NALF1: variants seen among roughly 807,000 people sequenced by gnomAD.
NALF1 encodes the protein family with sequence similarity 155 member A.
NALF1 carries 3 observed loss-of-function variants against 48.4 expected under a neutral mutation model. That is an observed-to-expected ratio of 0.06 (90% confidence interval 0.03 to 0.16). The LOEUF (loss-of-function observed/expected upper bound fraction) is 0.16, where lower values mean the gene tolerates loss of function less well. Ranked by LOEUF, NALF1 falls within the 10% of genes least tolerant of loss-of-function variation. The pLI is 1.00. For synonymous variants in NALF1, 262 were observed against 245.7 expected, an observed-to-expected ratio of 1.07 and a Z score of -0.62; for missense variants, 526 against 571.5, an observed-to-expected ratio of 0.92 and a Z score of 0.81.
At chr13:107,214,011 C>T (rs758554365) in intron 1 of NALF1, among the ~76,000 whole-genome samples, 8 of 152,138 alleles carry the variant, frequency 5.3e-5, no homozygotes, top group Admixed American at 1.3e-4. Flanking sequence ...GATATAAAGA[C>T]GAGCTTTCCT....
chr13:107,818,838 C>G (rs565722497), intron 1 of NALF1, among the ~76,000 whole-genome samples: 3 of 122,874 alleles, frequency 2.4e-5, no homozygotes, highest in East Asian at 3.0e-4. Flanking sequence ...CGCCACTGCA[C>G]TCCAGCCTGG....
At chr13:107,572,277 T>G (rs1878009771) in intron 1 of NALF1, among the ~76,000 whole-genome samples, 1 of 152,106 alleles carries the variant, frequency 6.6e-6, no homozygotes, top group Non-Finnish European at 1.5e-5. Flanking sequence ...TTCAACGACC[T>G]TCTGGTAATG....
intron 1 of NALF1, among the ~76,000 whole-genome samples, chr13:107,469,244 T>C (rs1040857984): frequency 2.6e-5 from 4 of 152,240 alleles, no homozygotes; most frequent in African/African-American, 9.6e-5. Flanking sequence ...GCATATAAAT[T>C]CTTTAAATAT....
chr13:107,403,089 T>C (rs922473832), intron 1 of NALF1, among the ~76,000 whole-genome samples: 7 of 151,348 alleles, frequency 4.6e-5, no homozygotes, highest in Non-Finnish European at 1.0e-4. Flanking sequence ...ATTTAGCCTC[T>C]GACTTGATGG....
intron 1 of NALF1, among the ~76,000 whole-genome samples, chr13:107,625,596 A>G (rs1879648342): frequency 6.6e-6 from 1 of 152,126 alleles, no homozygotes; most frequent in Non-Finnish European, 1.5e-5. Flanking sequence ...TGCTTGAAAA[A>G]TAAGTTATAA....
chr13:107,565,824 C>A (rs1325071404), intron 1 of NALF1, among the ~76,000 whole-genome samples: 1 of 152,036 alleles, frequency 6.6e-6, no homozygotes, highest in Non-Finnish European at 1.5e-5. Flanking sequence ...ATACTTTGTC[C>A]AGGCCAATTT....
intron 1 of NALF1, among the ~76,000 whole-genome samples, chr13:107,386,088 A>AT (rs112499682): frequency 0.042 from 6,321 of 152,256 alleles, 253 homozygotes; most frequent in African/African-American, 0.1. Flanking sequence ...ATGTCTTAAA[A>AT]TTTTATTGAA....
At chr13:107,286,809 T>C (rs746017085) in intron 1 of NALF1, among the ~76,000 whole-genome samples, 6 of 152,248 alleles carry the variant, frequency 3.9e-5, no homozygotes, top group South Asian at 2.1e-4. Context: ...AAATATCCCA[T>C]GTTAAATTAG....
At chr13:107,214,661 T>C (rs2138808894) in intron 1 of NALF1, among the ~76,000 whole-genome samples, 1 of 152,280 alleles carries the variant, frequency 6.6e-6, no homozygotes, top group South Asian at 2.1e-4. Context: ...TCCTCCACTG[T>C]GTCCTCTGGA....
Position 107,514,434 on chromosome 13 carries a change from T to TATC in NALF1, c.916-303682_916-303680dup, listed in dbSNP as rs1364049143. On this transcript the variant is annotated intron_variant, in intron 1 of 2. Transcript: ENST00000375915. Reference sequence around the variant, plus strand: ...GAAGCTTCTCCTATATCTATCTATCTATCTATCTATCTATCTATCTATCTA... The same window carrying TATC: ...GAAGCTTCTCCTATATCTATCTATCTATCATCTATCTATCTATCTATCTATCTA... Among the ~76,000 whole-genome samples, 21 of 139,262 alleles carry TATC rather than the reference T, an allele frequency of 1.5e-4. 1 individual carries two copies. The highest frequency in any genetic ancestry group is 1.5e-3 in the Admixed American group (21 of 14,384). The allele number at this position is 139,262 out of a possible 152,430, so 91.4% of individuals were successfully genotyped here. A position where few individuals can be genotyped will look rare whatever the true frequency, so the allele number is the denominator to read the frequency against.
At chr13:107,306,784 T>C (rs985074009) in intron 1 of NALF1, among the ~76,000 whole-genome samples, 2 of 152,106 alleles carry the variant, frequency 1.3e-5, no homozygotes, top group African/African-American at 2.4e-5. Context: ...GGCAACGTGG[T>C]GTGACCCTGT....
chr13:107,349,240 G>A (rs533438085), intron 1 of NALF1, among the ~76,000 whole-genome samples: 1 of 152,054 alleles, frequency 6.6e-6, no homozygotes, highest in Non-Finnish European at 1.5e-5. Context: ...TTCCCCACCT[G>A]GTGTCCTTTG....
chr13:107,779,774 CCTT>C (rs1355850035), intron 1 of NALF1, among the ~76,000 whole-genome samples: 4 of 152,168 alleles, frequency 2.6e-5, no homozygotes, highest in Non-Finnish European at 5.9e-5. Context: ...CTTGTCTCCA[CCTT>C]CTTCTAAAAC....
intron 2 of NALF1, among the ~76,000 whole-genome samples, chr13:107,203,856 C>T (rs565134550): frequency 2.0e-5 from 3 of 152,184 alleles, no homozygotes; most frequent in East Asian, 3.9e-4. Flanking sequence ...ACTTGAACTA[C>T]GTTAGAATTT....
chr13:107,485,903 T>G (rs1885322224), intron 1 of NALF1, among the ~76,000 whole-genome samples: 1 of 152,216 alleles, frequency 6.6e-6, no homozygotes, highest in Non-Finnish European at 1.5e-5. Context: ...TTCCTCTCCA[T>G]CACTTCTTTT....
intron 1 of NALF1, among the ~76,000 whole-genome samples, chr13:107,675,731 T>TTAA (rs1391422306): frequency 6.6e-6 from 1 of 152,196 alleles, no homozygotes; most frequent in African/African-American, 2.4e-5. Context: ...ATACTGGTAT[T>TTAA]AGCGCATGTC....
At chr13:107,226,583 A>C (rs150985463) in intron 1 of NALF1, among the ~76,000 whole-genome samples, 5 of 152,224 alleles carry the variant, frequency 3.3e-5, no homozygotes, top group African/African-American at 1.2e-4. Flanking sequence ...AATGTAAAAC[A>C]TACTTAGCAT....
intron 1 of NALF1, among the ~76,000 whole-genome samples, chr13:107,575,037 A>T (rs1327645819): frequency 1.3e-5 from 2 of 152,130 alleles, no homozygotes; most frequent in African/African-American, 4.8e-5. Flanking sequence ...AGGCTTAGGA[A>T]GCGAGTCTAA....
intron 1 of NALF1, among the ~76,000 whole-genome samples, chr13:107,259,810 T>A (rs368683579): frequency 6.6e-6 from 1 of 152,298 alleles, no homozygotes; most frequent in African/African-American, 2.4e-5. Flanking sequence ...CAGCAGCTAC[T>A]TGAAAGCGAA....
Sources: allele counts gnomAD v4.1 joint callset (sites outside exome capture counted in the v4.1 genomes callset), GRCh38; gene constraint gnomAD v4.1.1; transcripts MANE v1.5; gene names NCBI Gene and HGNC (gene_info 2026-07-23, HGNC 2026-07-21).